Variants in DLGAP2 observed in about 807,000 individuals in gnomAD.
The protein encoded by DLGAP2 is DLG associated protein 2.
In DLGAP2, 26 loss-of-function variants were observed where a neutral mutation model predicts 100.3. The ratio of observed to expected loss-of-function variants is 0.26; its 90% CI spans 0.19 to 0.36. DLGAP2 has a LOEUF of 0.36. DLGAP2 is among the 10% of genes least tolerant of loss of function. The pLI, the probability that DLGAP2 is intolerant of heterozygous loss-of-function variation, is 1.00. For synonymous variants in DLGAP2, 886 were observed against 630.1 expected, an observed-to-expected ratio of 1.41 and a Z score of -6.08; for missense variants, 1,858 against 1,453.2, an observed-to-expected ratio of 1.28 and a Z score of -4.53.
chr8:944,325 A>G (rs1799264252), intron 2 of DLGAP2, among the ~76,000 whole-genome samples: 1 of 151,112 alleles, frequency 6.6e-6, no homozygotes, highest in Non-Finnish European at 1.5e-5. Context: ...TAACCAGTCC[A>G]TGTGGGTGAT....
At chr8:1,340,234 A>G (rs1563093096) in intron 3 of DLGAP2, among the ~76,000 whole-genome samples, 1 of 152,250 alleles carries the variant, frequency 6.6e-6, no homozygotes, top group Non-Finnish European at 1.5e-5. Context: ...AAATTGACAA[A>G]TGGGATTTAA....
intron 1 of DLGAP2, among the ~76,000 whole-genome samples, chr8:872,677 C>G (rs933314867): frequency 1.3e-5 from 2 of 152,176 alleles, no homozygotes; most frequent in Non-Finnish European, 2.9e-5. Flanking sequence ...TTCATATACC[C>G]CATACTACTC....
chr8:1,089,438 A>G (rs1804099181), intron 2 of DLGAP2, among the ~76,000 whole-genome samples: 1 of 152,138 alleles, frequency 6.6e-6, no homozygotes, highest in Non-Finnish European at 1.5e-5. Flanking sequence ...GCCTTCCTCC[A>G]GCATCAGGGG....
chr8:1,362,810 G>A (rs1802016609), intron 3 of DLGAP2, among the ~76,000 whole-genome samples: 1 of 152,248 alleles, frequency 6.6e-6, no homozygotes, highest in African/African-American at 2.4e-5. Flanking sequence ...AGGCGCGACC[G>A]CCTGGGCTTC....
intron 1 of DLGAP2, among the ~76,000 whole-genome samples, chr8:802,494 C>T (rs893255800): frequency 6.6e-6 from 1 of 152,198 alleles, no homozygotes; most frequent in African/African-American, 2.4e-5. Context: ...TGCTTCTCAA[C>T]TTGCTGGGTG....
rs554758740 is a variant in DLGAP2 at position 1,598,230 on chromosome 8, G to A, written c.1443-28510G>A. On this transcript the variant is annotated intron_variant, in intron 6 of 14. Transcript: ENST00000637795. ...GGATGAAGCCGACTTGATCGTGGTGGATAAACTTTTTGATGTGCTGCTGTA... is the reference window on the plus strand; with the variant it reads ...GGATGAAGCCGACTTGATCGTGGTGAATAAACTTTTTGATGTGCTGCTGTA... Among the ~76,000 whole-genome samples, 4 of 152,290 alleles carry A rather than the reference G, an allele frequency of 2.6e-5. 1 individual carries two copies. Among genetic ancestry groups the A allele is most frequent in the African/African-American group, 9.6e-5 (4 of 41,542 alleles).
intron 4 of DLGAP2, among the ~76,000 whole-genome samples, chr8:1,506,096 G>A (rs1399845034): frequency 1.3e-5 from 2 of 152,138 alleles, no homozygotes; most frequent in Non-Finnish European, 2.9e-5. Context: ...TTGTGAACAT[G>A]TTTTTATATA....
At chr8:1,630,545 AC>A (rs1797615741) in intron 7 of DLGAP2, among the ~76,000 whole-genome samples, 2 of 152,070 alleles carry the variant, frequency 1.3e-5, no homozygotes, top group South Asian at 4.2e-4. Flanking sequence ...TACTAAAAAT[AC>A]AAAAAATTAG....
At chr8:1,204,486 C>A (rs1439949403) in intron 2 of DLGAP2, among the ~76,000 whole-genome samples, 2 of 152,222 alleles carry the variant, frequency 1.3e-5, no homozygotes, top group Non-Finnish European at 2.9e-5. Context: ...TTACTGCATA[C>A]CTTCATCTAT....
chr8:1,506,230 GTTCT>G (rs1029923006), intron 4 of DLGAP2, among the ~76,000 whole-genome samples: 1 of 152,054 alleles, frequency 6.6e-6, no homozygotes, highest in African/African-American at 2.4e-5. Flanking sequence ...ATTTTTGTGT[GTTCT>G]TTCAAAAAAC....
At chr8:1,033,935 G>A (rs1584997192) in intron 2 of DLGAP2, among the ~76,000 whole-genome samples, 2 of 105,910 alleles carry the variant, frequency 1.9e-5, no homozygotes, top group African/African-American at 3.8e-5. Flanking sequence ...ATGTGTCACC[G>A]CGAGTGGACT....
intron 4 of DLGAP2, among the ~76,000 whole-genome samples, chr8:1,517,931 C>T (rs1439707350): frequency 6.6e-6 from 1 of 152,214 alleles, no homozygotes; most frequent in Non-Finnish European, 1.5e-5. Context: ...TTGTTTGGAC[C>T]TGGGAACTTT....
intron 1 of DLGAP2, among the ~76,000 whole-genome samples, chr8:890,026 G>C (rs937035450): frequency 1.3e-5 from 2 of 151,972 alleles, no homozygotes; most frequent in East Asian, 3.9e-4. Flanking sequence ...TGTGTTTCTC[G>C]GGTGGCCCCC....
At chr8:1,487,593 C>T (rs1032362900) in intron 3 of DLGAP2, among the ~76,000 whole-genome samples, 2 of 152,140 alleles carry the variant, frequency 1.3e-5, no homozygotes, top group Admixed American at 6.5e-5. Flanking sequence ...TGAGGTTGTC[C>T]GTCTAACCCA....
chr8:1,313,354 T>G (rs887198368), intron 3 of DLGAP2, among the ~76,000 whole-genome samples: 2 of 152,192 alleles, frequency 1.3e-5, no homozygotes, highest in Non-Finnish European at 2.9e-5. Flanking sequence ...AAATTTGTCT[T>G]CTTCACCACT....
Position 1,103,870 on chromosome 8 carries a change from C to T in DLGAP2, c.74-154981C>T, listed in dbSNP as rs191597843. Among the ~76,000 whole-genome samples the T allele has an allele frequency of 2.6e-5, 4 of 152,256 alleles. No homozygotes were observed. In the East Asian group the frequency reaches 5.8e-4, roughly 22 times the overall value. On this transcript the variant is annotated intron_variant, in intron 2 of 14. Transcript: ENST00000637795. Reference sequence around the variant, plus strand: ...AGTGGTTGTTTATTGGAAATCAGTTCGAGGGGTCCCCGCACCCATGTTGGG... The same window carrying T: ...AGTGGTTGTTTATTGGAAATCAGTTTGAGGGGTCCCCGCACCCATGTTGGG...
chr8:778,551 T>C (rs1382649475), intron 1 of DLGAP2, among the ~76,000 whole-genome samples: 3 of 152,196 alleles, frequency 2.0e-5, no homozygotes, highest in Non-Finnish European at 4.4e-5. Flanking sequence ...TGTTTGTTAG[T>C]TTTCCTCCTA....
chr8:1,464,317 ACGCCCTTCCAGGACGG>A (rs1798554604), intron 3 of DLGAP2, among the ~76,000 whole-genome samples: 2 of 32,806 alleles, frequency 6.1e-5, no homozygotes, highest in African/African-American at 2.9e-4. Context: ...TTCCAGGACA[ACGCCCTTCCAGGACGG>A]CACCCTTCCA....
intron 3 of DLGAP2, among the ~76,000 whole-genome samples, chr8:1,491,289 C>T (rs1424748602): frequency 4.1e-5 from 6 of 147,512 alleles, no homozygotes; most frequent in Non-Finnish European, 8.9e-5. Flanking sequence ...ACTGCCGATG[C>T]TGTGAGCAAG....
Sources: gnomAD v4.1 joint callset for allele counts (sites outside exome capture counted in the v4.1 genomes callset) on GRCh38, gnomAD v4.1.1 for gene constraint, MANE v1.5 for transcripts, NCBI Gene and HGNC (gene_info 2026-07-23, HGNC 2026-07-21) for gene names.